RNF220: variants seen among roughly 807,000 people sequenced by gnomAD.
RNF220 encodes the protein ring finger protein 220, also known as E3 ubiquitin-protein ligase RNF220.
RNF220 carries 7 observed loss-of-function variants against 67.1 expected under a neutral mutation model. The observed-to-expected ratio is 0.10, with a 90% CI of 0.06 to 0.20. The LOEUF (loss-of-function observed/expected upper bound fraction) is 0.20. Among genes scored for constraint, RNF220 ranks in the 10% least tolerant of loss-of-function variants. RNF220 has a pLI of 1.00. For missense variants in RNF220, 565 were observed against 740.3 expected, an observed-to-expected ratio of 0.76 and a Z score of 2.75; for synonymous variants, 270 against 283.2, an observed-to-expected ratio of 0.95 and a Z score of 0.47.
chr1:44,583,827 C>T (rs867188283), intron 2 of RNF220, among the ~76,000 whole-genome samples: 2 of 152,138 alleles, frequency 1.3e-5, no homozygotes, highest in African/African-American at 4.8e-5. Flanking sequence ...GGGCCTGGCA[C>T]GCAGTCTAAT....
At chr1:44,507,581 G>T (rs1658547132) in intron 2 of RNF220, among the ~76,000 whole-genome samples, 3 of 152,050 alleles carry the variant, frequency 2.0e-5, no homozygotes, top group Admixed American at 6.5e-5. Context: ...CGGCCTCTCG[G>T]GGGCCCTGTC....
In RNF220 at chr1:44,411,997, A is replaced by G. The variant is rs1648014886; in HGVS notation, c.-101A>G. On this transcript the variant is annotated 5_prime_UTR_variant, in exon 2 of 15. Transcript: ENST00000361799. Reference sequence around the variant, plus strand: ...TTTCTACAGGTCTTAGGAGGGAATGATTCCCCAGTAATATTCCCTGCCCTG... The same window carrying G: ...TTTCTACAGGTCTTAGGAGGGAATGGTTCCCCAGTAATATTCCCTGCCCTG... 3.1e-6 allele frequency: 4 copies of G among 1,309,006 alleles called. No homozygotes were observed. Among genetic ancestry groups the G allele is most frequent in the Non-Finnish European group, 3.2e-6 (3 of 949,778 alleles). 81.1% of individuals were successfully genotyped at this position (1,309,006 alleles called of 1,614,324 possible).
At chr1:44,644,918 G>A (rs113047812) in intron 9 of RNF220, 77 bp from the exon 10 acceptor site, 4 of 1,565,624 alleles carry the variant, frequency 2.6e-6, no homozygotes, top group Non-Finnish European at 1.8e-6. Flanking sequence ...TTGGCCAGGA[G>A]GGCCATGCTC....
In RNF220 at chr1:44,600,975, G is replaced by A. The variant is rs777041585; in HGVS notation, c.626-13190G>A. On this transcript the variant is annotated intron_variant, in intron 2 of 14. Transcript: ENST00000361799. This position sits in a 1 kb window ranked among gnomAD's most constrained non-coding sequence, Gnocchi z 4.0. Reference sequence around the variant, plus strand: ...AACAAGGCAAATATCTATATTACAGGCTCCCACAGCACTGTTGACCTCTTT... The same window carrying A: ...AACAAGGCAAATATCTATATTACAGACTCCCACAGCACTGTTGACCTCTTT... Among the ~76,000 whole-genome samples, 4 of 152,068 alleles carry A rather than the reference G, an allele frequency of 2.6e-5. No homozygotes were observed. Among genetic ancestry groups the A allele is most frequent in the Non-Finnish European group, 1.5e-5 (1 of 68,034 alleles).
intron 2 of RNF220, among the ~76,000 whole-genome samples, 185 bp from the exon 3 acceptor site, chr1:44,613,980 A>C (rs889491692): frequency 6.6e-6 from 1 of 152,148 alleles, no homozygotes; most frequent in African/African-American, 2.4e-5. Flanking sequence ...GGTACCATTC[A>C]TGGCCACAGC....
intron 2 of RNF220, among the ~76,000 whole-genome samples, chr1:44,592,210 G>A (rs1342267511): frequency 6.6e-6 from 1 of 152,194 alleles, no homozygotes; most frequent in Admixed American, 6.5e-5. Context: ...ATACTTCCCC[G>A]AATTCCTTCC....
intron 2 of RNF220, among the ~76,000 whole-genome samples, chr1:44,446,912 A>G (rs1652163459): frequency 6.6e-6 from 1 of 152,208 alleles, no homozygotes; most frequent in Non-Finnish European, 1.5e-5. Flanking sequence ...AGTTACGCAG[A>G]TAACACTGTT....
chr1:44,572,559 G>A (rs796858120), intron 2 of RNF220, among the ~76,000 whole-genome samples: 12 of 152,344 alleles, frequency 7.9e-5, no homozygotes, highest in African/African-American at 2.6e-4. Context: ...TGAAATCAAT[G>A]ACAAAGTGAA....
chr1:44,467,008 A>G (rs1298220594), intron 2 of RNF220, among the ~76,000 whole-genome samples: 2 of 152,214 alleles, frequency 1.3e-5, no homozygotes, highest in Admixed American at 6.5e-5. Context: ...TCTGAATGGC[A>G]TCTTCCAATA....
intron 2 of RNF220, among the ~76,000 whole-genome samples, chr1:44,450,921 C>G (rs780144977): frequency 6.6e-6 from 1 of 152,156 alleles, no homozygotes; most frequent in East Asian, 1.9e-4. Flanking sequence ...TGGTGGCTCA[C>G]GCCTGTAATC....
At chr1:44,463,072 C>T (rs1208407208) in intron 2 of RNF220, among the ~76,000 whole-genome samples, 1 of 152,172 alleles carries the variant, frequency 6.6e-6, no homozygotes, top group African/African-American at 2.4e-5. Context: ...CGCAGTGGCT[C>T]ACGCCTGTAA....
Position 44,412,643 on chromosome 1 carries a change from T to C in RNF220, c.546T>C (p.Thr182=), listed in dbSNP as rs756658750. The C allele has an allele frequency of 9.9e-6, 16 of 1,614,006 alleles. No homozygotes were observed. In the South Asian group the frequency reaches 1.5e-4, roughly 16 times the overall value. The change falls in exon 2 of 15, where the codon ACT becomes ACC. Residue 182 remains threonine, a synonymous_variant. Coordinates refer to ENST00000361799, the MANE Select transcript of RNF220 (RefSeq NM_018150.4). This position sits in a 1 kb window ranked among gnomAD's most constrained non-coding sequence, Gnocchi z 5.3. ...SSPGSLKVDD[T]GKKIFAVSGL... ...CCGGTTCACTAAAGGTTGATGACAC[T>C]GGGAAGAAGATTTTTGCTGTCTCTG...
chr1:44,602,691 A>G (rs550947271), intron 2 of RNF220, among the ~76,000 whole-genome samples: 1 of 151,610 alleles, frequency 6.6e-6, no homozygotes, highest in Non-Finnish European at 1.5e-5. Context: ...TCATCCATCC[A>G]TCCATTCCTC....
intron 2 of RNF220, among the ~76,000 whole-genome samples, chr1:44,516,584 A>T (rs1659467076): frequency 6.6e-6 from 1 of 152,158 alleles, no homozygotes; most frequent in Admixed American, 6.5e-5. Flanking sequence ...GTATAAGGAT[A>T]GTGAGAAAAA....
At chr1:44,485,846 C>T (rs1050505807) in intron 2 of RNF220, among the ~76,000 whole-genome samples, 1 of 152,068 alleles carries the variant, frequency 6.6e-6, no homozygotes, top group Non-Finnish European at 1.5e-5. Flanking sequence ...TTCTTCCAGC[C>T]ACAAGCATGA....
Position 44,412,819 on chromosome 1 carries a change from A to G in RNF220, c.625+97A>G. The G allele has an allele frequency of 1.4e-6, 2 of 1,385,224 alleles. No individual in the cohort carries two copies. The highest frequency in any genetic ancestry group is 2.0e-6 in the Non-Finnish European group (2 of 1,011,128). 85.8% of individuals were successfully genotyped at this position (1,385,224 alleles called of 1,614,324 possible). A position where few individuals can be genotyped will look rare whatever the true frequency, so the allele number is the denominator to read the frequency against. On this transcript the variant is annotated intron_variant, in intron 2 of 14. Coordinates refer to ENST00000361799, the MANE Select transcript of RNF220 (RefSeq NM_018150.4). The surrounding 1 kb of genome is among the most constrained non-coding windows in gnomAD (Gnocchi z 5.3). The stretch of plus-strand genomic sequence containing the variant: ...TGGCGTTTTGCATGCTCCTAGTAAT[A>G]GGAAGGGCCAACTACTTCCCTTTCA...
At chr1:44,629,176 C>A (rs1046384595) in intron 5 of RNF220, among the ~76,000 whole-genome samples, 5 of 152,238 alleles carry the variant, frequency 3.3e-5, no homozygotes, top group Admixed American at 6.5e-5. Flanking sequence ...CAGTGTCACA[C>A]CAAGAGGGTA....
At chr1:44,458,733 G>A (rs890018854) in intron 2 of RNF220, among the ~76,000 whole-genome samples, 1 of 152,146 alleles carries the variant, frequency 6.6e-6, no homozygotes, top group African/African-American at 2.4e-5. Flanking sequence ...TTATGTAAAT[G>A]TAATAACTAC....
At chr1:44,447,929 G>C (rs552844147) in intron 2 of RNF220, among the ~76,000 whole-genome samples, 1 of 152,132 alleles carries the variant, frequency 6.6e-6, no homozygotes, top group Non-Finnish European at 1.5e-5. Flanking sequence ...ACAGCTTTGC[G>C]CGTCGCTTAG....
Sources: allele counts gnomAD v4.1 joint callset (sites outside exome capture counted in the v4.1 genomes callset), GRCh38; gene constraint gnomAD v4.1.1; non-coding constraint Gnocchi (gnomAD v3.1); transcripts MANE v1.5; gene names NCBI Gene and HGNC (gene_info 2026-07-23, HGNC 2026-07-21).